FRMD5: variants seen among roughly 807,000 people sequenced by gnomAD.
The protein encoded by FRMD5 is FERM domain-containing protein 5.
Under a neutral mutation model 69.0 loss-of-function variants are expected in FRMD5, and 20 were observed. The ratio of observed to expected loss-of-function variants is 0.29; its 90% CI spans 0.20 to 0.42. FRMD5 has a LOEUF of 0.42. FRMD5 is among the 10% of genes least tolerant of loss of function. The probability of loss-of-function intolerance (pLI) is 1.00; values close to 1 mark genes in which losing one functional copy is unlikely to be tolerated. For synonymous variants in FRMD5, 271 were observed against 260.1 expected (o/e 1.04, Z -0.40); for missense variants, 595 against 708.6 (o/e 0.84, Z 1.82).
At chr15:43,948,709 C>T (rs1214070304) in intron 1 of FRMD5, among the ~76,000 whole-genome samples, 1 of 152,130 alleles carries the variant, frequency 6.6e-6, no homozygotes, top group African/African-American at 2.4e-5. Flanking sequence ...TTTTCAGGTT[C>T]TATTTATATG....
intron 1 of FRMD5, among the ~76,000 whole-genome samples, chr15:44,150,953 G>A (rs141095149): frequency 0.011 from 1,747 of 152,102 alleles, 25 homozygotes; most frequent in African/African-American, 0.039. Flanking sequence ...TTAGCCAAGC[G>A]TGGTGGTATG....
intron 1 of FRMD5, among the ~76,000 whole-genome samples, chr15:44,174,873 G>A (rs2077866336): frequency 6.6e-6 from 1 of 152,200 alleles, no homozygotes; most frequent in East Asian, 1.9e-4. Flanking sequence ...CATGGACACA[G>A]GGAGGGAACA....
At chr15:44,165,683 A>G (rs988739029) in intron 1 of FRMD5, among the ~76,000 whole-genome samples, 5 of 151,942 alleles carry the variant, frequency 3.3e-5, no homozygotes, top group African/African-American at 1.2e-4. Context: ...AAAAAATACA[A>G]AAATTAGCCA....
chr15:43,938,099 C>T (rs916429685), intron 1 of FRMD5, among the ~76,000 whole-genome samples: 2 of 151,810 alleles, frequency 1.3e-5, no homozygotes, highest in Non-Finnish European at 2.9e-5. Context: ...GGTGCGGTGG[C>T]GGGCGCTTGT....
intron 1 of FRMD5, among the ~76,000 whole-genome samples, chr15:44,187,311 C>T (rs1460598068): frequency 6.6e-6 from 1 of 152,098 alleles, no homozygotes; most frequent in East Asian, 1.9e-4. Flanking sequence ...AGATTTAATT[C>T]AACACTAGCT....
At chr15:44,031,576 T>C (rs1891683917) in intron 1 of FRMD5, among the ~76,000 whole-genome samples, 2 of 152,090 alleles carry the variant, frequency 1.3e-5, no homozygotes, top group African/African-American at 4.8e-5. Context: ...ATCCCAATCA[T>C]GAGTACTCTA....
chr15:44,182,828 C>T (rs1367404895), intron 1 of FRMD5, among the ~76,000 whole-genome samples: 2 of 152,154 alleles, frequency 1.3e-5, no homozygotes, highest in Non-Finnish European at 2.9e-5. Flanking sequence ...CGGAGTCTCG[C>T]TCTGTCGCCC....
chr15:44,042,471 A>T (rs1043817897), intron 1 of FRMD5, among the ~76,000 whole-genome samples: 2 of 152,182 alleles, frequency 1.3e-5, no homozygotes, highest in African/African-American at 4.8e-5. Flanking sequence ...CAGAGACACA[A>T]CCAAAAAAGA....
intron 1 of FRMD5, among the ~76,000 whole-genome samples, chr15:44,055,095 G>A (rs1423918586): frequency 6.6e-6 from 1 of 151,638 alleles, no homozygotes; most frequent in Admixed American, 6.6e-5. Context: ...AAAAAGAGTG[G>A]AGCTGTTTCC....
chr15:44,110,798 T>C (rs747278949), intron 1 of FRMD5, among the ~76,000 whole-genome samples: 1 of 152,250 alleles, frequency 6.6e-6, no homozygotes, highest in Non-Finnish European at 1.5e-5. Context: ...TGAATCTCTC[T>C]AAACTTGTTT....
intron 1 of FRMD5, among the ~76,000 whole-genome samples, chr15:44,133,849 T>A (rs1015826456): frequency 6.6e-6 from 1 of 151,994 alleles, no homozygotes; most frequent in African/African-American, 2.4e-5. Context: ...TTTAAGAGTT[T>A]TAAAGTTTTT....
rs186699185 is a variant in FRMD5, at chr15:44,028,816, C to A, written c.103-104507G>T. 3.9e-5 allele frequency among the ~76,000 whole-genome samples: 6 copies of A among 152,224 alleles called. No individual in the cohort carries two copies. The East Asian group carries it at 1.2e-3, about 29-fold the overall frequency. Reference sequence around the variant, plus strand: ...CCCTGAGACCAGGAGACACCTATGGCCATCATTTATGACACTACCCCAAGG... The same window carrying A: ...CCCTGAGACCAGGAGACACCTATGGACATCATTTATGACACTACCCCAAGG... On this transcript the variant is annotated intron_variant, in intron 1 of 13. Transcript: ENST00000417257.
intron 1 of FRMD5, among the ~76,000 whole-genome samples, chr15:44,000,343 A>T (rs1890156279): frequency 6.6e-6 from 1 of 151,758 alleles, no homozygotes; most frequent in Admixed American, 6.6e-5. Context: ...GATTGTTTCC[A>T]TTTCTTGGCT....
chr15:44,175,469 G>T (rs148938287), intron 1 of FRMD5, among the ~76,000 whole-genome samples: 13 of 152,146 alleles, frequency 8.5e-5, no homozygotes, highest in Admixed American at 4.6e-4. Context: ...AACACCAAGT[G>T]CTGGTAAGGA....
intron 1 of FRMD5, among the ~76,000 whole-genome samples, chr15:43,980,524 A>G (rs1250686855): frequency 6.6e-6 from 1 of 152,192 alleles, no homozygotes; most frequent in Non-Finnish European, 1.5e-5. Flanking sequence ...TTTTAATGAG[A>G]AGCTGGCCCT....
At chr15:44,056,701 G>A (rs948464516) in intron 1 of FRMD5, among the ~76,000 whole-genome samples, 3 of 152,110 alleles carry the variant, frequency 2.0e-5, no homozygotes, top group African/African-American at 7.2e-5. Context: ...GGGTCATCAT[G>A]CTCATAAAGG....
At chr15:43,951,976 TGTGTTGTGTGTGTGTGTGTGTGTCTGTG>T (rs1199048815) in intron 1 of FRMD5, among the ~76,000 whole-genome samples, 1 of 117,518 alleles carries the variant, frequency 8.5e-6, no homozygotes, top group African/African-American at 5.3e-5. Context: ...TGTGTGTGTG[TGTGTTGTGTGTGTGTGTGTGTGTCTGTG>T]TGTGTGTGTG....
chr15:44,110,795 C>T (rs2140583433), intron 1 of FRMD5, among the ~76,000 whole-genome samples: 1 of 152,326 alleles, frequency 6.6e-6, no homozygotes, highest in South Asian at 2.1e-4. Context: ...TACTGAATCT[C>T]TCTAAACTTG....
intron 1 of FRMD5, among the ~76,000 whole-genome samples, chr15:44,107,745 C>A (rs1422166607): frequency 6.6e-6 from 1 of 152,082 alleles, no homozygotes; most frequent in Non-Finnish European, 1.5e-5. Flanking sequence ...TTAAAAATTA[C>A]TGTTCTTAAA....
Sources: allele counts gnomAD v4.1 joint callset (sites outside exome capture counted in the v4.1 genomes callset), GRCh38; gene constraint gnomAD v4.1.1; transcripts MANE v1.5; gene names NCBI Gene and HGNC (gene_info 2026-07-23, HGNC 2026-07-21).